Variants in TEK observed in about 807,000 individuals in gnomAD.
The protein encoded by TEK is angiopoietin-1 receptor.
Under a neutral mutation model 131.8 loss-of-function variants are expected in TEK, and 43 were observed. The observed-to-expected ratio is 0.33, with a 90% CI of 0.26 to 0.42. The LOEUF (loss-of-function observed/expected upper bound fraction) is 0.42. Among genes scored for constraint, TEK ranks in the 10% least tolerant of loss-of-function variants. The pLI is 1.00. For synonymous variants in TEK, 580 were observed against 491.6 expected (o/e 1.18, Z -2.38); for missense variants, 1,162 against 1,384.4 (o/e 0.84, Z 2.55).
intron 1 of TEK, among the ~76,000 whole-genome samples, chr9:27,121,805 A>G (rs1821801549): frequency 6.6e-6 from 1 of 152,236 alleles, no homozygotes; most frequent in African/African-American, 2.4e-5. Flanking sequence ...TGCTATAACC[A>G]GATGAGTTAG....
chr9:27,196,277 C>G (rs1271538959), intron 11 of TEK, among the ~76,000 whole-genome samples: 2 of 152,126 alleles, frequency 1.3e-5, no homozygotes, highest in Non-Finnish European at 2.9e-5. Context: ...TATTTTTCCA[C>G]TGAATGGCTA....
At chr9:27,173,073 G>A (rs1048417994) in intron 5 of TEK, 149 bp from the exon 6 acceptor site, 114 of 992,180 alleles carry the variant, frequency 1.1e-4, no homozygotes, top group Non-Finnish European at 1.7e-4. Context: ...AGTAAAATGG[G>A]CCATAAGGGT....
At chr9:27,194,541 C>T (rs1374866471) in intron 11 of TEK, among the ~76,000 whole-genome samples, 2 of 152,192 alleles carry the variant, frequency 1.3e-5, no homozygotes, top group Admixed American at 1.3e-4. Flanking sequence ...CATCATGTTA[C>T]TGCTAAAAGG....
rs753478243 is a variant in TEK at position 27,206,808 on chromosome 9, G to C, written c.2575+16G>C. The C allele has an allele frequency of 3.1e-6, 5 of 1,612,150 alleles. No homozygotes were observed. The highest frequency in any genetic ancestry group is 4.2e-6 in the Non-Finnish European group (5 of 1,179,260). ...AGAATGAAAGGTCAGTGGTTGACCA[G>C]ATAGAGTCAGCATTGCGTGAGGGTG... On this transcript the variant is annotated intron_variant, in intron 15 of 22. Coordinates refer to ENST00000380036, the MANE Select transcript of TEK (RefSeq NM_000459.5).
Position 27,169,427 on chromosome 9 carries a change from C to G in TEK, c.476-50C>G, listed in dbSNP as rs761341440. 1.9e-6 allele frequency: 3 copies of G among 1,611,460 alleles called. 1 individual carries two copies. In the South Asian group the frequency reaches 3.3e-5, roughly 18 times the overall value. ...TAAGTGGAGAAACCAGACAAGGAAG[C>G]AGGTATGTTTCAGTGTGACCTACGG... On this transcript the variant is annotated intron_variant, in intron 3 of 22. Transcript: ENST00000380036.
intron 1 of TEK, among the ~76,000 whole-genome samples, chr9:27,130,941 A>C (rs1822190924): frequency 1.3e-5 from 2 of 152,242 alleles, no homozygotes; most frequent in South Asian, 4.1e-4. Context: ...CAATAGAAAA[A>C]GAGAGGAACA....
intron 1 of TEK, among the ~76,000 whole-genome samples, chr9:27,133,387 C>T (rs7032817): frequency 0.37 from 56,402 of 151,976 alleles, 11,228 homozygotes; most frequent in African/African-American, 0.43. Context: ...TGTCTTTTGC[C>T]CTTCACTTTA....
chr9:27,159,434 T>C (rs920216368), intron 2 of TEK, among the ~76,000 whole-genome samples: 3 of 151,828 alleles, frequency 2.0e-5, no homozygotes, highest in African/African-American at 7.3e-5. Flanking sequence ...TGACAAAGAG[T>C]CAGGGATACA....
chr9:27,123,248 A>T (rs1418779094), intron 1 of TEK, among the ~76,000 whole-genome samples: 3 of 151,842 alleles, frequency 2.0e-5, no homozygotes, highest in African/African-American at 4.8e-5. Context: ...ACATCCTGGT[A>T]GGTTCCTATT....
At chr9:27,187,181 C>T (rs946869591) in intron 9 of TEK, among the ~76,000 whole-genome samples, 4 of 152,166 alleles carry the variant, frequency 2.6e-5, no homozygotes, top group South Asian at 2.1e-4. Flanking sequence ...GTGAAAGACA[C>T]GGCACACAAC....
intron 3 of TEK, 109 bp from the exon 4 acceptor site, chr9:27,169,368 G>T (rs1823862784): frequency 7.1e-7 from 1 of 1,414,244 alleles, no homozygotes; most frequent in Admixed American, 1.7e-5. Context: ...ATATGTGAGA[G>T]CACATTTTCT....
intron 1 of TEK, among the ~76,000 whole-genome samples, chr9:27,116,998 A>C (rs1396266965): frequency 6.6e-6 from 1 of 151,184 alleles, no homozygotes; most frequent in East Asian, 2.0e-4. Context: ...AGTAGCTGGG[A>C]CTACAGGCGC....
rs12345371 is a variant in TEK, at chr9:27,152,893, G to A, written c.53-4938G>A. ...CTTAGTTAATGGCTCATTATTCATA[G>A]CAATATTGAATACAAGAAAATGTAA... On this transcript the variant is annotated intron_variant, in intron 1 of 22. Transcript: ENST00000380036. 3.0e-3 allele frequency among the ~76,000 whole-genome samples: 459 copies of A among 152,048 alleles called. 2 individuals are homozygous for A. The highest frequency in any genetic ancestry group is 0.011 in the African/African-American group (445 of 41,446).
At chr9:27,134,128 T>A (rs1029616069) in intron 1 of TEK, among the ~76,000 whole-genome samples, 1 of 152,182 alleles carries the variant, frequency 6.6e-6, no homozygotes, top group Non-Finnish European at 1.5e-5. Flanking sequence ...GCTGTTCTAG[T>A]AGAGGGGATG....
intron 20 of TEK, among the ~76,000 whole-genome samples, chr9:27,219,252 C>G (rs930043954): frequency 6.6e-6 from 1 of 152,152 alleles, no homozygotes; most frequent in Admixed American, 6.5e-5. Context: ...AACATTTATT[C>G]TTCATGCTTT....
intron 1 of TEK, among the ~76,000 whole-genome samples, chr9:27,154,298 T>C (rs1345532123): frequency 6.6e-6 from 1 of 152,184 alleles, no homozygotes; most frequent in African/African-American, 2.4e-5. Flanking sequence ...GTATTTCTCC[T>C]AAGGCTATCC....
chr9:27,219,828 T>G (rs551681957), intron 20 of TEK, among the ~76,000 whole-genome samples: 1 of 152,302 alleles, frequency 6.6e-6, no homozygotes, highest in East Asian at 1.9e-4. Flanking sequence ...AGGAAGCCTG[T>G]GGTGGTTCCT....
intron 11 of TEK, 68 bp from the exon 12 acceptor site, chr9:27,197,247 G>C: frequency 6.5e-7 from 1 of 1,538,204 alleles, no homozygotes; most frequent in South Asian, 1.1e-5. Flanking sequence ...TATGAGATTT[G>C]GGTGGGGACA....
chr9:27,131,573 C>G (rs7024233), intron 1 of TEK, among the ~76,000 whole-genome samples: 5 of 150,636 alleles, frequency 3.3e-5, no homozygotes, highest in African/African-American at 1.2e-4. Flanking sequence ...CTGTAATCCC[C>G]GCATGTTGGG....
Sources: allele counts gnomAD v4.1 joint callset (sites outside exome capture counted in the v4.1 genomes callset), GRCh38; gene constraint gnomAD v4.1.1; transcripts MANE v1.5; gene names NCBI Gene and HGNC (gene_info 2026-07-23, HGNC 2026-07-21).